Variants in ZDHHC4 observed in about 807,000 individuals in gnomAD.
ZDHHC4 encodes zDHHC palmitoyltransferase 4, also known as palmitoyltransferase ZDHHC4.
ZDHHC4 carries 42 observed loss-of-function variants against 36.7 expected under a neutral mutation model. That is an observed-to-expected ratio of 1.14 (90% CI 0.89 to 1.48). The LOEUF is 1.48. Among genes scored for constraint, ZDHHC4 ranks in the 40% most tolerant of loss-of-function variants. The pLI is 0.00. For synonymous variants in ZDHHC4, 189 were observed against 166.6 expected (o/e 1.13, Z -1.03); for missense variants, 457 against 421.5 (o/e 1.08, Z -0.74).
intron 2 of ZDHHC4, 141 bp from the exon 3 acceptor site, chr7:6,580,414 T>C (rs770810490): frequency 3.9e-5 from 29 of 740,262 alleles, no homozygotes; most frequent in Non-Finnish European, 6.4e-5. Flanking sequence ...CTGTTTGTCT[T>C]TCTGCTTTTT....
intron 2 of ZDHHC4, among the ~76,000 whole-genome samples, chr7:6,580,019 C>A (rs1211241588): frequency 6.6e-6 from 1 of 152,026 alleles, no homozygotes; most frequent in East Asian, 1.9e-4. Context: ...CCTATAATCC[C>A]AGCTACTCAG....
intron 7 of ZDHHC4, among the ~76,000 whole-genome samples, chr7:6,586,899 T>C (rs1239512066): frequency 6.6e-6 from 1 of 152,238 alleles, no homozygotes; most frequent in Non-Finnish European, 1.5e-5. Context: ...TGAGTAATAC[T>C]GCTGTGAACA....
At chr7:6,586,600 C>T (rs549754133) in intron 7 of ZDHHC4, among the ~76,000 whole-genome samples, 2 of 152,232 alleles carry the variant, frequency 1.3e-5, no homozygotes, top group East Asian at 1.9e-4. Context: ...CTCAGTCTCC[C>T]GTGTAGCTGG....
Position 6,589,023 on chromosome 7 carries a change from C to T in ZDHHC4, c.*113C>T, listed in dbSNP as rs1005605242. The T allele has an allele frequency of 1.7e-5, 24 of 1,386,934 alleles. No individual in the cohort carries two copies. Among genetic ancestry groups the T allele is most frequent in the South Asian group, 2.7e-5 (2 of 74,058 alleles). 85.9% of individuals were successfully genotyped at this position (1,386,934 alleles called of 1,614,324 possible). On this transcript the variant is annotated 3_prime_UTR_variant, in exon 8 of 8. Coordinates refer to ENST00000335965, the MANE Select transcript of ZDHHC4 (RefSeq NM_001134389.2). ...TTCTGCTGTGCTTATAAATCACTTT[C>T]GGTGGGCAAGGGAGAGAGGGGAAAA...
At position 6,587,943 on chromosome 7, in the gene ZDHHC4, G is replaced by T. The variant is rs1364149097; in HGVS notation, c.742-674G>T. ...TGCAGTTGCACAATCTCAGCTCACT[G>T]TAACCTTCACCGCCCGGGTTGAAGC... is the stretch of plus-strand genomic sequence containing the variant. On this transcript the variant is annotated intron_variant, in intron 7 of 7. Coordinates refer to ENST00000335965, the MANE Select transcript of ZDHHC4 (RefSeq NM_001134389.2). Among the ~76,000 whole-genome samples, 5 of 152,168 alleles carry T rather than the reference G, an allele frequency of 3.3e-5. No homozygotes were observed. The East Asian group carries it at 9.6e-4, about 29-fold the overall frequency.
intron 2 of ZDHHC4, among the ~76,000 whole-genome samples, chr7:6,579,451 CG>C (rs1400864196): frequency 5.3e-5 from 8 of 152,230 alleles, no homozygotes; most frequent in African/African-American, 1.9e-4. Context: ...CCGCCTGCCT[CG>C]ACATGCCAAA....
chr7:6,577,696 A>G (rs1429826177), intron 1 of ZDHHC4, 198 bp downstream of exon 1: 1 of 152,234 alleles, frequency 6.6e-6, no homozygotes, highest in South Asian at 2.1e-4. Context: ...CCCCAGGGAA[A>G]TCTCCGACCA....
Position 6,589,095 on chromosome 7 carries a change from G to C in ZDHHC4, c.*185G>C, listed in dbSNP as rs1251901190. ...CCCTTGCTTGTCTTCTTTTGAAACC[G>C]GGCATCTCTGAAGTCCTGGTGTCAA... is the stretch of plus-strand genomic sequence containing the variant. On this transcript the variant is annotated 3_prime_UTR_variant, in exon 8 of 8. Coordinates refer to ENST00000335965, the MANE Select transcript of ZDHHC4 (RefSeq NM_001134389.2). 1.4e-6 allele frequency: 1 copy of C among 690,080 alleles called. No homozygotes were observed. 42.7% of individuals were successfully genotyped at this position (690,080 alleles called of 1,614,324 possible). A position where few individuals can be genotyped will look rare whatever the true frequency, so the allele number is the denominator to read the frequency against.
rs1194645827 is a variant in ZDHHC4 at position 6,589,280 on chromosome 7, C to T, written c.*370C>T. ...CTCAGCGCCTGCGCGTTGTGCCTGG[C>T]TGTGCTCTCTTTTATGCCCCCTCTA... On this transcript the variant is annotated 3_prime_UTR_variant, in exon 8 of 8. Coordinates refer to ENST00000335965, the MANE Select transcript of ZDHHC4 (RefSeq NM_001134389.2). 1.7e-5 allele frequency: 4 copies of T among 230,158 alleles called. No individual in the cohort carries two copies. The highest frequency in any genetic ancestry group is 6.5e-5 in the South Asian group (1 of 15,406). The allele number at this position is 230,158 out of a possible 1,614,324, so 14.3% of individuals were successfully genotyped here.
chr7:6,583,035 C>T (rs554710147), intron 5 of ZDHHC4, among the ~76,000 whole-genome samples: 12 of 152,156 alleles, frequency 7.9e-5, no homozygotes, highest in South Asian at 4.1e-4. Context: ...AAATTAGCCA[C>T]GCGTGCATTA....
chr7:6,581,313 G>T (rs926178038), intron 3 of ZDHHC4, among the ~76,000 whole-genome samples: 1 of 152,220 alleles, frequency 6.6e-6, no homozygotes, highest in African/African-American at 2.4e-5. Flanking sequence ...GGCTGGGGAA[G>T]GAGCGGCCTT....
chr7:6,585,331 G>A (rs1347952880), intron 7 of ZDHHC4, 71 bp downstream of exon 7: 2 of 1,567,318 alleles, frequency 1.3e-6, no homozygotes, highest in Admixed American at 1.8e-5. Context: ...TCCAGTAAAA[G>A]CATGAAGTTA....
chr7:6,587,192 C>G (rs1583394084), intron 7 of ZDHHC4, among the ~76,000 whole-genome samples: 1 of 152,070 alleles, frequency 6.6e-6, no homozygotes, highest in South Asian at 2.1e-4. Flanking sequence ...CAGGTGTGAG[C>G]CACCATGACT....
At chr7:6,588,095 C>T (rs946273113) in intron 7 of ZDHHC4, among the ~76,000 whole-genome samples, 2 of 152,134 alleles carry the variant, frequency 1.3e-5, no homozygotes, top group African/African-American at 2.4e-5. Context: ...AAACTCCTGA[C>T]CTCAAGTGAT....
At chr7:6,581,951 T>C in intron 4 of ZDHHC4, 122 bp from the exon 5 acceptor site, 1 of 999,208 alleles carries the variant, frequency 1.0e-6, no homozygotes, top group Non-Finnish European at 1.5e-6. Context: ...TAGTTTTCTA[T>C]GTAATTCTTA....
chr7:6,583,105 G>C (rs1354158991), intron 5 of ZDHHC4, among the ~76,000 whole-genome samples: 1 of 151,990 alleles, frequency 6.6e-6, no homozygotes, highest in Non-Finnish European at 1.5e-5. Context: ...ACCTGAACCT[G>C]AGAGGCAGAG....
Position 6,585,221 on chromosome 7 carries a change from T to G in ZDHHC4, c.702T>G (p.Leu234=). ...DLYQETYIDD[L]GHLHVMDTVF... is the part of the protein sequence containing the mutation. ...ACCAGGAGACTTACATCGATGACCT[T>G]GGACACCTCCATGTTATGGACACGG... Residue 234 remains leucine, a synonymous_variant, in exon 7 of 8, where the codon CTT becomes CTG. Transcript: ENST00000335965. The G allele has an allele frequency of 1.2e-6, 2 of 1,614,196 alleles. No individual in the cohort carries two copies. The highest frequency in any genetic ancestry group is 1.7e-6 in the Non-Finnish European group (2 of 1,180,036).
At chr7:6,587,014 C>T (rs1781287857) in intron 7 of ZDHHC4, among the ~76,000 whole-genome samples, 2 of 149,848 alleles carry the variant, frequency 1.3e-5, no homozygotes, top group Non-Finnish European at 3.0e-5. Context: ...GGGTACATTC[C>T]ACCTAGAAGT....
Position 6,581,784 on chromosome 7 carries a change from G to A in ZDHHC4, c.191+104G>A, listed in dbSNP as rs541543368. 5 of 999,616 alleles carry A rather than the reference G, an allele frequency of 5.0e-6. No homozygotes were observed. In the East Asian group the frequency reaches 1.0e-4, roughly 20 times the overall value. The allele number at this position is 999,616 out of a possible 1,614,324, so 61.9% of individuals were successfully genotyped here. ...AGCTCCTTGTGGTTTCCAGCATGGT[G>A]AGGGAAAGAAGGCCGGAAAGAATCA... On this transcript the variant is annotated intron_variant, in intron 4 of 7. Coordinates refer to ENST00000335965, the MANE Select transcript of ZDHHC4 (RefSeq NM_001134389.2).
Sources: gnomAD v4.1 joint callset for allele counts (sites outside exome capture counted in the v4.1 genomes callset) on GRCh38, gnomAD v4.1.1 for gene constraint, MANE v1.5 for transcripts, NCBI Gene and HGNC (gene_info 2026-07-23, HGNC 2026-07-21) for gene names.